Variants in MOGAT2 observed in about 807,000 individuals in gnomAD.
MOGAT2 encodes the protein 2-acylglycerol O-acyltransferase 2.
Under a neutral mutation model 31.5 loss-of-function variants are expected in MOGAT2, and 27 were observed. That is an observed-to-expected ratio of 0.86 (90% CI 0.63 to 1.18). The LOEUF is 1.18. Among genes scored for constraint, MOGAT2 ranks in the 50% most tolerant of loss-of-function variants. The probability of loss-of-function intolerance (pLI) is 0.00; values close to 1 mark genes in which losing one functional copy is unlikely to be tolerated. For missense variants in MOGAT2, 436 were observed against 433.2 expected (o/e 1.01, Z -0.06); for synonymous variants, 163 against 170.0 (o/e 0.96, Z 0.32).
At chr11:75,730,591 A>G (rs1565302764) in intron 5 of MOGAT2, among the ~76,000 whole-genome samples, 1 of 152,174 alleles carries the variant, frequency 6.6e-6, no homozygotes. Flanking sequence ...CATGTAAAGC[A>G]CCTAGTGCAT....
chr11:75,727,773 A>G, intron 3 of MOGAT2, 134 bp downstream of exon 3: 1 of 1,063,350 alleles, frequency 9.4e-7, no homozygotes, highest in Non-Finnish European at 1.4e-6. Flanking sequence ...TTCCTACAGC[A>G]CCATGCTGGG....
In MOGAT2 at chr11:75,731,122, T is replaced by C. The variant is rs763630803; in HGVS notation, c.851-10T>C. Reference sequence around the variant, plus strand: ...TACCCTAGGCCACTGCACACCTCTATGCCTTGCAGTGGGGAAGCCCATCGA... The same window carrying C: ...TACCCTAGGCCACTGCACACCTCTACGCCTTGCAGTGGGGAAGCCCATCGA... On this transcript the variant is annotated splice_polypyrimidine_tract_variant and intron_variant, in intron 5 of 5. Coordinates refer to ENST00000198801, the MANE Select transcript of MOGAT2 (RefSeq NM_025098.4). 1.2e-6 allele frequency: 2 copies of C among 1,613,214 alleles called. No homozygotes were observed. Among genetic ancestry groups the C allele is most frequent in the Non-Finnish European group, 1.7e-6 (2 of 1,179,732 alleles).
intron 2 of MOGAT2, among the ~76,000 whole-genome samples, chr11:75,723,578 C>T (rs1240948292): frequency 2.0e-5 from 3 of 152,044 alleles, no homozygotes; most frequent in Non-Finnish European, 4.4e-5. Context: ...TACAGACACG[C>T]ACCACCACAA....
chr11:75,730,445 G>T (rs143648583), intron 5 of MOGAT2, among the ~76,000 whole-genome samples: 1 of 152,198 alleles, frequency 6.6e-6, no homozygotes, highest in Non-Finnish European at 1.5e-5. Context: ...GCACATCCCT[G>T]GGGTCTAAAA....
chr11:75,719,827 G>A, intron 1 of MOGAT2, 165 bp from the exon 2 acceptor site: 1 of 661,270 alleles, frequency 1.5e-6, no homozygotes, highest in South Asian at 2.0e-5. Flanking sequence ...CAGGGACTTT[G>A]TCTCCTCTTT....
rs967063552 is a variant in MOGAT2 at position 75,727,993 on chromosome 11, A to G, written c.499A>G (p.Ser167Gly). The change falls in exon 4 of 6, where the codon AGT (serine) becomes GGT (glycine). Residue 167 changes from serine (S) to glycine (G), a missense_variant. Coordinates refer to ENST00000198801, the MANE Select transcript of MOGAT2 (RefSeq NM_025098.4). The stretch of plus-strand genomic sequence containing the variant: ...AGGGTTGGTCACATCAGAAAAGGAG[A>G]GTGCTGCTCACATTCTGAACAGGAA... Reference protein sequence around the residue: ...SAGLVTSEKESAAHILNRKGG... With the variant: ...SAGLVTSEKEGAAHILNRKGG... The G allele has an allele frequency of 4.3e-6, 7 of 1,611,714 alleles. No individual in the cohort carries two copies. The Admixed American group carries it at 6.7e-5, about 15-fold the overall frequency.
intron 2 of MOGAT2, among the ~76,000 whole-genome samples, chr11:75,724,689 AG>A (rs1347613720): frequency 6.6e-6 from 1 of 151,968 alleles, no homozygotes; most frequent in Non-Finnish European, 1.5e-5. Context: ...AACAGACCAA[AG>A]GGTAGGTGTG....
At chr11:75,725,409 G>A (rs954368484) in intron 2 of MOGAT2, among the ~76,000 whole-genome samples, 14 of 152,088 alleles carry the variant, frequency 9.2e-5, no homozygotes, top group Admixed American at 3.3e-4. Context: ...TTAGCCAAGT[G>A]TGATGGCATG....
chr11:75,726,530 A>T (rs1047369636), intron 2 of MOGAT2, among the ~76,000 whole-genome samples: 2 of 152,188 alleles, frequency 1.3e-5, no homozygotes, highest in Non-Finnish European at 2.9e-5. Context: ...TAGAATATGT[A>T]TGACACCTAA....
chr11:75,718,014 C>A, intron 1 of MOGAT2, 35 bp downstream of exon 1: 2 of 1,600,110 alleles, frequency 1.2e-6, no homozygotes, highest in South Asian at 2.2e-5. Context: ...GGGAGACCAC[C>A]GCACTCAGGT....
chr11:75,718,758 G>C (rs1286892955), intron 1 of MOGAT2, among the ~76,000 whole-genome samples: 1 of 152,116 alleles, frequency 6.6e-6, no homozygotes, highest in African/African-American at 2.4e-5. Context: ...CTCTGCCAAA[G>C]GTAACATTTT....
chr11:75,727,383 C>G, intron 2 of MOGAT2, 52 bp from the exon 3 acceptor site: 1 of 1,560,332 alleles, frequency 6.4e-7, no homozygotes, highest in Non-Finnish European at 8.8e-7. Context: ...GTGGCAGAGT[C>G]AGGGCTGGTA....
Position 75,732,129 on chromosome 11 carries a change from A to G in MOGAT2, c.*843A>G, listed in dbSNP as rs1043452728. ...CAGAGGATAATTTGAGGAGGGTTTA[A>G]AAAGGAACCATTTTTTGAGGTGTGT... On this transcript the variant is annotated 3_prime_UTR_variant, in exon 6 of 6. Coordinates refer to ENST00000198801, the MANE Select transcript of MOGAT2 (RefSeq NM_025098.4). The G allele has an allele frequency of 2.6e-5, 4 of 152,274 alleles. No homozygotes were observed. Among genetic ancestry groups the G allele is most frequent in the Non-Finnish European group, 4.4e-5 (3 of 68,122 alleles). 9.4% of individuals were successfully genotyped at this position (152,274 alleles called of 1,614,324 possible).
At chr11:75,727,874 C>T in intron 3 of MOGAT2, 96 bp from the exon 4 acceptor site, 1 of 1,315,118 alleles carries the variant, frequency 7.6e-7, no homozygotes, top group Non-Finnish European at 1.0e-6. Flanking sequence ...CCCCAGGCCT[C>T]AGTAGGCATT....
At chr11:75,729,185 A>C (rs1295694859) in intron 5 of MOGAT2, among the ~76,000 whole-genome samples, 196 bp downstream of exon 5, 1 of 152,260 alleles carries the variant, frequency 6.6e-6, no homozygotes, top group African/African-American at 2.4e-5. Flanking sequence ...TGCCAACAGC[A>C]ATAGTTGTGA....
chr11:75,717,980 G>C lies in MOGAT2; in HGVS notation c.91+1G>C. 6.2e-7 allele frequency: 1 copy of C among 1,614,126 alleles called. No individual in the cohort carries two copies. Among genetic ancestry groups the C allele is most frequent in the Non-Finnish European group, 8.5e-7 (1 of 1,179,972 alleles). On this transcript the variant is annotated splice_donor_variant, in intron 1 of 5. Coordinates refer to ENST00000198801, the MANE Select transcript of MOGAT2 (RefSeq NM_025098.4). LOFTEE classifies it high-confidence loss of function. ...TTTGTCTTCTCCTTCTTGGCACTGG[G>C]TAAGTTGGGCTGCACTGTAAGACGG...
At chr11:75,724,610 T>C (rs1425087385) in intron 2 of MOGAT2, among the ~76,000 whole-genome samples, 1 of 151,404 alleles carries the variant, frequency 6.6e-6, no homozygotes, top group Non-Finnish European at 1.5e-5. Context: ...TGCAGTGAGC[T>C]GAGATCACGC....
At chr11:75,728,422 G>T in intron 4 of MOGAT2, 1 of 586,952 alleles carries the variant, frequency 1.7e-6, no homozygotes, top group South Asian at 1.9e-5. Context: ...TGATATTTGG[G>T]GTACATTTCA....
intron 5 of MOGAT2, 32 bp downstream of exon 5, chr11:75,729,021 G>A: frequency 1.9e-6 from 3 of 1,607,062 alleles, no homozygotes; most frequent in Non-Finnish European, 2.6e-6. Context: ...GAGGGAGGAG[G>A]CCAAAGGGAC....
Sources: allele counts gnomAD v4.1 joint callset (sites outside exome capture counted in the v4.1 genomes callset), GRCh38; gene constraint gnomAD v4.1.1; transcripts MANE v1.5; gene names NCBI Gene and HGNC (gene_info 2026-07-23, HGNC 2026-07-21).